CNTN4: variants seen among roughly 807,000 people sequenced by gnomAD.
The protein encoded by CNTN4 is contactin-4.
A neutral mutation model predicts 122.5 loss-of-function variants in CNTN4; 77 were observed. The ratio of observed to expected loss-of-function variants is 0.63; its 90% CI spans 0.52 to 0.76. The LOEUF (loss-of-function observed/expected upper bound fraction) is 0.76, where lower values mean the gene tolerates loss of function less well. Among genes scored for constraint, CNTN4 ranks in the 30% least tolerant of loss-of-function variants. The probability of loss-of-function intolerance (pLI) is 0.00; values close to 1 mark genes in which losing one functional copy is unlikely to be tolerated. For missense variants in CNTN4, 1,256 were observed against 1,259.1 expected (o/e 1.00, Z 0.04); for synonymous variants, 512 against 447.0 (o/e 1.15, Z -1.83).
At chr3:2,207,628 A>G (rs2038419364) in intron 2 of CNTN4, among the ~76,000 whole-genome samples, 2 of 152,136 alleles carry the variant, frequency 1.3e-5, no homozygotes, top group Admixed American at 1.3e-4. Flanking sequence ...AAAAAGAAAC[A>G]TTTGAAGCTA....
intron 3 of CNTN4, among the ~76,000 whole-genome samples, chr3:2,513,042 A>C (rs1164808632): frequency 6.6e-6 from 1 of 152,168 alleles, no homozygotes; most frequent in Non-Finnish European, 1.5e-5. Flanking sequence ...ACAGTACAGA[A>C]TGCTTAACAT....
intron 6 of CNTN4, among the ~76,000 whole-genome samples, chr3:2,797,953 G>C (rs1347696211): frequency 7.0e-6 from 1 of 143,448 alleles, no homozygotes; most frequent in Non-Finnish European, 1.5e-5. Context: ...AATTTAGAAG[G>C]TAAAAGTGCA....
chr3:2,147,063 T>G (rs2035278126), intron 2 of CNTN4, among the ~76,000 whole-genome samples: 1 of 152,026 alleles, frequency 6.6e-6, no homozygotes, highest in Non-Finnish European at 1.5e-5. Context: ...GTATTTTTAG[T>G]AGAGATGGGG....
At chr3:2,988,954 C>G (rs986772394) in intron 14 of CNTN4, 3 of 167,216 alleles carry the variant, frequency 1.8e-5, no homozygotes, top group Non-Finnish European at 3.9e-5. Flanking sequence ...CTTTGATCAC[C>G]TCTATGCTTT....
intron 4 of CNTN4, among the ~76,000 whole-genome samples, chr3:2,578,882 A>G (rs180835413): frequency 3.3e-5 from 5 of 152,156 alleles, no homozygotes; most frequent in Non-Finnish European, 5.9e-5. Context: ...GAAAGTTAAG[A>G]AAAAAAATAG....
intron 3 of CNTN4, among the ~76,000 whole-genome samples, chr3:2,425,873 C>T (rs75414839): frequency 6.6e-6 from 1 of 152,046 alleles, no homozygotes; most frequent in Non-Finnish European, 1.5e-5. Context: ...CTGTTTGTCT[C>T]TTATTGGTGT....
intron 3 of CNTN4, among the ~76,000 whole-genome samples, chr3:2,468,346 T>A (rs1263918773): frequency 1.3e-5 from 2 of 152,144 alleles, no homozygotes; most frequent in Non-Finnish European, 2.9e-5. Flanking sequence ...CCAGTGTATT[T>A]CTAGGGCAGT....
chr3:2,401,881 A>G (rs1313389890), intron 3 of CNTN4, among the ~76,000 whole-genome samples: 1 of 152,188 alleles, frequency 6.6e-6, no homozygotes, highest in Non-Finnish European at 1.5e-5. Context: ...TTTTAATCCT[A>G]CAAAAGCAAT....
intron 3 of CNTN4, among the ~76,000 whole-genome samples, chr3:2,534,132 G>C (rs1448364947): frequency 6.6e-6 from 1 of 152,008 alleles, no homozygotes; most frequent in East Asian, 1.9e-4. Flanking sequence ...TGCCAATTTT[G>C]GCTTTTGTTG....
At position 2,604,586 on chromosome 3, in the gene CNTN4, T is replaced by C. The variant is rs530173570; in HGVS notation, c.55+33028T>C. ...AAACTTAAGAAAAGGGGGGAAATAA[T>C]ATATGAATATCAGTAGGTGAAGGTT... On this transcript the variant is annotated intron_variant, in intron 4 of 24. Coordinates refer to ENST00000418658, the MANE Select transcript of CNTN4 (RefSeq NM_175607.3). Among the ~76,000 whole-genome samples the C allele has an allele frequency of 1.6e-3, 242 of 152,228 alleles. 1 individual carries two copies. Among genetic ancestry groups the C allele is most frequent in the African/African-American group, 4.8e-3 (198 of 41,536 alleles).
chr3:2,908,424 G>T (rs2094261467), intron 12 of CNTN4, among the ~76,000 whole-genome samples: 1 of 152,124 alleles, frequency 6.6e-6, no homozygotes, highest in African/African-American at 2.4e-5. Flanking sequence ...CAAGTATTCA[G>T]GTATCTGCAA....
At chr3:2,736,380 T>G in intron 5 of CNTN4, 39 bp downstream of exon 5, 2 of 1,590,796 alleles carry the variant, frequency 1.3e-6, no homozygotes, top group Non-Finnish European at 1.7e-6. Context: ...ATGCATATAG[T>G]TTCTGTTATT....
rs139712425 is a variant in CNTN4 at position 2,554,361 on chromosome 3, A to G, written c.-88-17055A>G. Reference sequence around the variant, plus strand: ...TTAGAGCAAAAAAAAACCCAAACATACTTTGCTTAGTCCACATTTCACTTT... The same window carrying G: ...TTAGAGCAAAAAAAAACCCAAACATGCTTTGCTTAGTCCACATTTCACTTT... On this transcript the variant is annotated intron_variant, in intron 3 of 24. Coordinates refer to ENST00000418658, the MANE Select transcript of CNTN4 (RefSeq NM_175607.3). 2.0e-5 allele frequency among the ~76,000 whole-genome samples: 3 copies of G among 152,214 alleles called. No individual in the cohort carries two copies. In the East Asian group the frequency reaches 5.8e-4, roughly 29 times the overall value.
intron 3 of CNTN4, among the ~76,000 whole-genome samples, chr3:2,374,079 A>G (rs924886610): frequency 1.3e-5 from 2 of 152,164 alleles, no homozygotes; most frequent in African/African-American, 4.8e-5. Flanking sequence ...GCTCTATTTT[A>G]GAACCCCTAA....
At chr3:2,262,941 T>C (rs540919460) in intron 2 of CNTN4, among the ~76,000 whole-genome samples, 2 of 152,132 alleles carry the variant, frequency 1.3e-5, no homozygotes, top group African/African-American at 4.8e-5. Flanking sequence ...CAATGTGTTA[T>C]AGTCACATTC....
chr3:2,293,253 A>T (rs1297455451), intron 2 of CNTN4, among the ~76,000 whole-genome samples: 1 of 152,240 alleles, frequency 6.6e-6, no homozygotes, highest in East Asian at 1.9e-4. Context: ...TTTGCTATTC[A>T]TGGAAAAACG....
At chr3:2,736,824 G>A (rs141403506) in intron 5 of CNTN4, among the ~76,000 whole-genome samples, 291 of 150,342 alleles carry the variant, frequency 1.9e-3, no homozygotes, top group Non-Finnish European at 2.4e-3. Context: ...ACGGAGTCTC[G>A]CTCTGTCAGG....
At chr3:2,778,304 A>G (rs112758727) in intron 6 of CNTN4, among the ~76,000 whole-genome samples, 1 of 149,090 alleles carries the variant, frequency 6.7e-6, no homozygotes, top group African/African-American at 2.4e-5. Flanking sequence ...CCATGTATGT[A>G]TAAGAGAAAA....
intron 19 of CNTN4, 142 bp downstream of exon 19, chr3:3,039,145 T>A: frequency 1.3e-6 from 1 of 742,392 alleles, no homozygotes. Context: ...CCCTCTCACG[T>A]AGCTAATGGC....
Sources: allele counts gnomAD v4.1 joint callset (sites outside exome capture counted in the v4.1 genomes callset), GRCh38; gene constraint gnomAD v4.1.1; transcripts MANE v1.5; gene names NCBI Gene and HGNC (gene_info 2026-07-23, HGNC 2026-07-21).